The following GC variants were observed in gnomAD, a reference collection of about 807,000 sequenced individuals.
The protein encoded by GC is vitamin D-binding protein.
GC carries 43 observed loss-of-function variants against 56.7 expected under a neutral mutation model. The ratio of observed to expected loss-of-function variants is 0.76; its 90% CI spans 0.59 to 0.98. The LOEUF (loss-of-function observed/expected upper bound fraction) is 0.98, where lower values mean the gene tolerates loss of function less well. GC is among the 50% of genes least tolerant of loss of function. The probability of loss-of-function intolerance (pLI) is 0.00; values close to 1 mark genes in which losing one functional copy is unlikely to be tolerated. For missense variants in GC, 529 were observed against 545.9 expected (o/e 0.97, Z 0.31); for synonymous variants, 216 against 202.7 (o/e 1.07, Z -0.56).
At chr4:71,753,233 C>T (rs902411207) in intron 10 of GC, among the ~76,000 whole-genome samples, 1 of 152,066 alleles carries the variant, frequency 6.6e-6, no homozygotes, top group Admixed American at 6.6e-5. Flanking sequence ...TCGATGATCT[C>T]GGCGTCTCTC....
chr4:71,741,927 C>T (rs1258545557), intron 12 of GC, 57 bp from the exon 13 acceptor site: 1 of 702,500 alleles, frequency 1.4e-6, no homozygotes, highest in Non-Finnish European at 2.6e-6. Flanking sequence ...TGGGCAACAA[C>T]CATAATATTG....
intron 8 of GC, among the ~76,000 whole-genome samples, chr4:71,755,589 A>C (rs193081680): frequency 6.6e-6 from 1 of 152,188 alleles, no homozygotes; most frequent in Non-Finnish European, 1.5e-5. Context: ...AAATACTTTC[A>C]TTGAGATACA....
At chr4:71,760,096 G>T (rs916218237) in intron 6 of GC, among the ~76,000 whole-genome samples, 2 of 151,248 alleles carry the variant, frequency 1.3e-5, no homozygotes, top group Admixed American at 6.6e-5. Flanking sequence ...CAGGCTGGAG[G>T]GCAGTGGTGC....
intron 10 of GC, among the ~76,000 whole-genome samples, chr4:71,753,306 C>G (rs774953290): frequency 2.0e-5 from 3 of 151,910 alleles, no homozygotes; most frequent in Non-Finnish European, 4.4e-5. Flanking sequence ...GCCAGCCCAG[C>G]GGGGGGCAAT....
intron 11 of GC, among the ~76,000 whole-genome samples, chr4:71,749,085 G>A (rs558654761): frequency 6.6e-6 from 1 of 152,216 alleles, no homozygotes; most frequent in South Asian, 2.1e-4. Context: ...TGCCTACCTA[G>A]CTATGAGATC....
chr4:71,754,447 T>C lies in GC; in HGVS notation c.1226A>G (p.Asp409Gly). The C allele has an allele frequency of 6.3e-7, 1 of 1,589,452 alleles. No homozygotes were observed. Among genetic ancestry groups the C allele is most frequent in the Non-Finnish European group, 8.6e-7 (1 of 1,158,658 alleles). Reference protein sequence around the residue: ...FIDKGQELCADYSENTFTEYK... With the variant: ...FIDKGQELCAGYSENTFTEYK... ...CTCAGTAAATGTATTTTCTGAATAA[T>C]CTGCACATAGTTCTTGTCCCTTGTC... Residue 409 changes from aspartate (D) to glycine (G), a missense_variant, in exon 10 of 13, where the codon GAT becomes GGT. Asp to Gly is a moderately conservative substitution (Grantham distance 94, BLOSUM62 -1). Coordinates refer to ENST00000273951, the MANE Select transcript of GC (RefSeq NM_000583.4).
intron 1 of GC, among the ~76,000 whole-genome samples, chr4:71,782,319 C>T (rs753317996): frequency 1.3e-5 from 2 of 151,782 alleles, no homozygotes; most frequent in African/African-American, 2.4e-5. Context: ...AAGAACACAG[C>T]TAGCTTCTAA....
At chr4:71,803,842 C>CA in intron 1 of GC, 1 of 776,132 alleles carries the variant, frequency 1.3e-6, no homozygotes, top group Non-Finnish European at 2.2e-6. Context: ...GTAGTCAGAA[C>CA]ATTGTAAATT....
At chr4:71,782,023 C>A (rs2149306417) in intron 1 of GC, among the ~76,000 whole-genome samples, 1 of 151,734 alleles carries the variant, frequency 6.6e-6, no homozygotes, top group African/African-American at 2.4e-5. Context: ...TTTCTCAGAA[C>A]CTTTAGGACG....
intron 12 of GC, among the ~76,000 whole-genome samples, chr4:71,744,308 A>C (rs935328399): frequency 6.6e-6 from 1 of 150,486 alleles, no homozygotes; most frequent in Admixed American, 6.6e-5. Context: ...AAAAAACCCA[A>C]ATTAGCTGGG....
At chr4:71,762,025 C>A (rs931182782) in intron 6 of GC, among the ~76,000 whole-genome samples, 8 of 152,186 alleles carry the variant, frequency 5.3e-5, no homozygotes, top group African/African-American at 1.7e-4. Context: ...AAGAGGGCCA[C>A]CGTTCTCCAG....
At chr4:71,788,691 A>G (rs201923524), upstream of GC, among the ~76,000 whole-genome samples, 2 of 100,480 alleles carry the variant, frequency 2.0e-5, no homozygotes, top group East Asian at 6.4e-4. Context: ...AAGAAAGAGA[A>G]AAAAAGAAAA....
intron 12 of GC, among the ~76,000 whole-genome samples, chr4:71,744,022 A>G (rs1037500921): frequency 1.3e-5 from 2 of 152,192 alleles, no homozygotes; most frequent in African/African-American, 4.8e-5. Context: ...GAGAAATGAT[A>G]AGAAATTTCA....
At chr4:71,749,924 T>A (rs1741492908) in intron 11 of GC, among the ~76,000 whole-genome samples, 1 of 152,082 alleles carries the variant, frequency 6.6e-6, no homozygotes, top group Non-Finnish European at 1.5e-5. Context: ...AGTGTAAATA[T>A]GGAAATTAGA....
rs1018161447 is a variant in GC, at chr4:71,794,598, A to T, written c.21+9328T>A. On this transcript the variant is annotated intron_variant, in intron 1 of 13. Transcript: ENST00000504199. The stretch of plus-strand genomic sequence containing the variant: ...GTCTATCAATTTTGTTGATTTTTTT[A>T]AAAAACCAGCTCCTGGATCCATTGA... Among the ~76,000 whole-genome samples the T allele has an allele frequency of 2.4e-4, 37 of 152,000 alleles. 1 individual carries two copies. The highest frequency in any genetic ancestry group is 1.2e-3 in the Admixed American group (18 of 15,270).
intron 1 of GC, among the ~76,000 whole-genome samples, chr4:71,796,770 T>C (rs1160399059): frequency 6.6e-6 from 1 of 152,226 alleles, no homozygotes. Context: ...TTTTCAGCTT[T>C]TCTGCTCTGG....
At chr4:71,788,022 A>G (rs970032534), upstream of GC, among the ~76,000 whole-genome samples, 15 of 151,870 alleles carry the variant, frequency 9.9e-5, no homozygotes, top group African/African-American at 3.6e-4. Flanking sequence ...TGCTCCTACT[A>G]TAGCTAAATC....
At chr4:71,776,400 C>T (rs1041586431) in intron 1 of GC, among the ~76,000 whole-genome samples, 1 of 151,564 alleles carries the variant, frequency 6.6e-6, no homozygotes, top group East Asian at 1.9e-4. Context: ...GTAAAATAAG[C>T]CAGGTACAGA....
At chr4:71,750,405 G>A (rs1466717957) in intron 11 of GC, among the ~76,000 whole-genome samples, 1 of 152,196 alleles carries the variant, frequency 6.6e-6, no homozygotes, top group East Asian at 1.9e-4. Context: ...AATTAACTGA[G>A]TGAGAAATTA....
Sources: gnomAD v4.1 joint callset for allele counts (sites outside exome capture counted in the v4.1 genomes callset) on GRCh38, gnomAD v4.1.1 for gene constraint, MANE v1.5 for transcripts, NCBI Gene and HGNC (gene_info 2026-07-23, HGNC 2026-07-21) for gene names.